STPG2: variants seen among roughly 807,000 people sequenced by gnomAD.
STPG2 encodes sperm tail PG-rich repeat containing 2.
A neutral mutation model predicts 54.2 loss-of-function variants in STPG2; 56 were observed. That is an observed-to-expected ratio of 1.03 (90% CI 0.83 to 1.29). The LOEUF (loss-of-function observed/expected upper bound fraction) is 1.29, where lower values mean the gene tolerates loss of function less well. Among genes scored for constraint, STPG2 ranks in the 50% most tolerant of loss-of-function variants. STPG2 has a pLI of 0.00. For synonymous variants in STPG2, 200 were observed against 181.8 expected (o/e 1.10, Z -0.81); for missense variants, 596 against 544.9 (o/e 1.09, Z -0.93).
chr4:97,915,988 A>G (rs1043217767), intron 8 of STPG2, among the ~76,000 whole-genome samples: 2 of 152,294 alleles, frequency 1.3e-5, no homozygotes, highest in South Asian at 2.1e-4. Context: ...CAGAATGGAA[A>G]AGAGGATATG....
At position 97,540,332 on chromosome 4, in the gene STPG2, G is replaced by C. The variant is rs573322148; in HGVS notation, c.462+172367C>G. 4.1e-4 allele frequency among the ~76,000 whole-genome samples: 62 copies of C among 152,154 alleles called. No homozygotes were observed. The East Asian group carries it at 0.011, about 27-fold the overall frequency. On this transcript the variant is annotated intron_variant, in intron 4 of 4. Transcript: ENST00000522676. ...CACAGACATACAAACTACCATCAGA[G>C]AATACTATAAACACCTCTATGCAAA...
chr4:97,775,046 G>A lies in STPG2; in HGVS notation c.1205-62232C>T, dbSNP rs561059283. Among the ~76,000 whole-genome samples, 640 of 152,208 alleles carry A rather than the reference G, an allele frequency of 4.2e-3. 3 individuals are homozygous for A. Among genetic ancestry groups the A allele is most frequent in the South Asian group, 0.024 (114 of 4,818 alleles). On this transcript the variant is annotated intron_variant, in intron 9 of 10. Coordinates refer to ENST00000295268, the MANE Select transcript of STPG2 (RefSeq NM_174952.3). ...AGCTGGATGAATAGTCTTTTGAATA[G>A]AATTAAATTCTGATTACCGGAAATT...
intron 9 of STPG2, among the ~76,000 whole-genome samples, chr4:97,809,777 C>A (rs2149096160): frequency 6.6e-6 from 1 of 152,182 alleles, no homozygotes; most frequent in African/African-American, 2.4e-5. Flanking sequence ...ATCTTGATTT[C>A]AACATTTTGA....
At chr4:97,959,321 C>G (rs139411151) in intron 7 of STPG2, among the ~76,000 whole-genome samples, 50 of 151,516 alleles carry the variant, frequency 3.3e-4, no homozygotes, top group African/African-American at 1.2e-3. Flanking sequence ...ACTAGAGAAA[C>G]AAGAAAAAAC....
chr4:98,026,559 A>G (rs555753880), intron 5 of STPG2, among the ~76,000 whole-genome samples: 1 of 152,224 alleles, frequency 6.6e-6, no homozygotes, highest in Non-Finnish European at 1.5e-5. Context: ...TGCTAGTGAC[A>G]TGCTGGAGGC....
In STPG2 at chr4:98,132,995, A is replaced by G. The variant is rs551372491; in HGVS notation, c.222+1352T>C. ...AAAGTTGGCATTCATATTGCAGGGA[A>G]AAAGCAAACCTTTCAAGGTTGTTTA... On this transcript the variant is annotated intron_variant, in intron 2 of 10. Coordinates refer to ENST00000295268, the MANE Select transcript of STPG2 (RefSeq NM_174952.3). 2.0e-5 allele frequency among the ~76,000 whole-genome samples: 3 copies of G among 151,942 alleles called. No individual in the cohort carries two copies. The South Asian group carries it at 6.2e-4, about 31-fold the overall frequency.
At chr4:98,124,917 C>T (rs1739787352) in intron 3 of STPG2, among the ~76,000 whole-genome samples, 1 of 152,112 alleles carries the variant, frequency 6.6e-6, no homozygotes, top group African/African-American at 2.4e-5. Context: ...TGTCTTATTG[C>T]AACAAGATAC....
chr4:97,551,395 A>C (rs1731963111), intron 4 of STPG2, among the ~76,000 whole-genome samples: 1 of 152,236 alleles, frequency 6.6e-6, no homozygotes, highest in Non-Finnish European at 1.5e-5. Flanking sequence ...GTCAAATAAA[A>C]GTAGTAACTA....
At chr4:97,653,103 A>G (rs1722117767) in intron 10 of STPG2, among the ~76,000 whole-genome samples, 2 of 146,814 alleles carry the variant, frequency 1.4e-5, no homozygotes, top group Non-Finnish European at 1.5e-5. Context: ...TGATAGATAG[A>G]TAGATAGATA....
chr4:98,059,434 C>T (rs1737576779), intron 5 of STPG2, among the ~76,000 whole-genome samples: 1 of 151,900 alleles, frequency 6.6e-6, no homozygotes, highest in South Asian at 2.1e-4. Flanking sequence ...TAAAAAAAAG[C>T]TTAGTACCTG....
In STPG2 at chr4:97,740,117, G is replaced by T. The variant is rs554653365; in HGVS notation, c.1205-27303C>A. 4.8e-4 allele frequency among the ~76,000 whole-genome samples: 73 copies of T among 152,106 alleles called. 1 individual carries two copies. Among genetic ancestry groups the T allele is most frequent in the East Asian group, 4.4e-3 (23 of 5,174 alleles). ...AACAGAACCAAAGAAAAAAACCACA[G>T]GATTATCTCAATAGATGCAGAAAAG... On this transcript the variant is annotated intron_variant, in intron 9 of 10. Transcript: ENST00000295268.
chr4:97,872,733 TAC>T (rs1233243249), intron 8 of STPG2, among the ~76,000 whole-genome samples: 3 of 151,338 alleles, frequency 2.0e-5, no homozygotes, highest in African/African-American at 7.3e-5. Flanking sequence ...TTTATGAATC[TAC>T]ACATTTTGAC....
chr4:97,618,122 G>A (rs1733920106), intron 10 of STPG2, among the ~76,000 whole-genome samples: 1 of 152,090 alleles, frequency 6.6e-6, no homozygotes, highest in East Asian at 1.9e-4. Flanking sequence ...AATCTAGGGT[G>A]GCTTTCTTGG....
intron 10 of STPG2, among the ~76,000 whole-genome samples, chr4:97,607,661 C>T (rs548858349): frequency 3.4e-4 from 51 of 152,100 alleles, no homozygotes; most frequent in African/African-American, 1.0e-3. Context: ...CATGTACTGC[C>T]AGACCTTGAA....
At chr4:97,827,354 G>A (rs1280131637) in intron 9 of STPG2, among the ~76,000 whole-genome samples, 1 of 150,996 alleles carries the variant, frequency 6.6e-6, no homozygotes, top group Non-Finnish European at 1.5e-5. Context: ...TCCTGCCTCA[G>A]CCTCCTGAGT....
intron 5 of STPG2, among the ~76,000 whole-genome samples, chr4:98,083,206 A>G (rs969757315): frequency 6.6e-6 from 1 of 152,166 alleles, no homozygotes; most frequent in Non-Finnish European, 1.5e-5. Flanking sequence ...AAACTAACAC[A>G]TGTAATAATG....
At chr4:97,907,082 T>C (rs1386545714) in intron 8 of STPG2, among the ~76,000 whole-genome samples, 2 of 152,058 alleles carry the variant, frequency 1.3e-5, no homozygotes, top group African/African-American at 4.8e-5. Context: ...AAATTGTCCC[T>C]GTTTGCAGAC....
At chr4:97,946,254 C>A (rs573867395) in intron 7 of STPG2, among the ~76,000 whole-genome samples, 1 of 151,816 alleles carries the variant, frequency 6.6e-6, no homozygotes, top group African/African-American at 2.4e-5. Flanking sequence ...GTTTTATTTT[C>A]TTGCTGGTTT....
chr4:97,717,515 AAAGTC>A (rs1345623781), intron 9 of STPG2, among the ~76,000 whole-genome samples: 5 of 152,298 alleles, frequency 3.3e-5, no homozygotes, highest in African/African-American at 1.2e-4. Context: ...ATATAAATAC[AAAGTC>A]ATATGGATTT....
Sources: gnomAD v4.1 joint callset for allele counts (sites outside exome capture counted in the v4.1 genomes callset) on GRCh38, gnomAD v4.1.1 for gene constraint, MANE v1.5 for transcripts, NCBI Gene and HGNC (gene_info 2026-07-23, HGNC 2026-07-21) for gene names.